GABRA5: variants seen among roughly 807,000 people sequenced by gnomAD.
The protein encoded by GABRA5 is gamma-aminobutyric acid receptor subunit alpha-5.
Under a neutral mutation model 47.3 loss-of-function variants are expected in GABRA5, and 18 were observed. The observed-to-expected ratio is 0.38, with a 90% CI of 0.26 to 0.56. GABRA5 has a LOEUF of 0.56. Ranked by LOEUF, GABRA5 falls within the 20% of genes least tolerant of loss-of-function variation. GABRA5 has a pLI of 0.71. For synonymous variants in GABRA5, 237 were observed against 229.3 expected (o/e 1.03, Z -0.30); for missense variants, 365 against 599.3 (o/e 0.61, Z 4.08).
intron 6 of GABRA5, 62 bp from the exon 7 acceptor site, chr15:26,914,741 G>T: frequency 1.6e-6 from 2 of 1,275,614 alleles, no homozygotes; most frequent in Middle Eastern, 1.8e-4. Context: ...GGACACGATG[G>T]TGGCTCAGTG....
At chr15:26,912,387 T>C (rs1893617586) in intron 6 of GABRA5, among the ~76,000 whole-genome samples, 1 of 152,258 alleles carries the variant, frequency 6.6e-6, no homozygotes, top group African/African-American at 2.4e-5. Context: ...AACAACCATA[T>C]AAAGTAACCT....
chr15:26,910,597 CAA>C (rs34894641), intron 6 of GABRA5, among the ~76,000 whole-genome samples: 8,915 of 146,502 alleles, frequency 0.061, 501 homozygotes, highest in African/African-American at 0.14. Flanking sequence ...GAGACTCCAT[CAA>C]AAAAAAAAAA....
intron 6 of GABRA5, among the ~76,000 whole-genome samples, chr15:26,898,191 T>C (rs892914861): frequency 6.6e-6 from 1 of 152,208 alleles, no homozygotes; most frequent in South Asian, 2.1e-4. Context: ...GGTGGAAAAT[T>C]GCTGTCAAGT....
intron 7 of GABRA5, among the ~76,000 whole-genome samples, chr15:26,926,112 C>A (rs1375433896): frequency 2.0e-5 from 3 of 152,174 alleles, no homozygotes; most frequent in African/African-American, 7.2e-5. Context: ...GGGGTCCTAT[C>A]TGAGCATCAG....
chr15:26,908,481 A>G (rs1485595012), intron 6 of GABRA5, among the ~76,000 whole-genome samples: 1 of 152,198 alleles, frequency 6.6e-6, no homozygotes, highest in Non-Finnish European at 1.5e-5. Context: ...CCAGCTGCAG[A>G]ATGCCAAACG....
chr15:26,902,462 A>T (rs145219535), intron 6 of GABRA5, among the ~76,000 whole-genome samples: 5,499 of 152,162 alleles, frequency 0.036, 356 homozygotes, highest in African/African-American at 0.13. Context: ...AAAATAATTG[A>T]CTTACATACA....
intron 9 of GABRA5, among the ~76,000 whole-genome samples, chr15:26,941,007 A>T (rs571057932): frequency 5.3e-5 from 8 of 152,336 alleles, no homozygotes; most frequent in Admixed American, 4.6e-4. Context: ...AAAGCAGGAA[A>T]ATATTAGCGT....
At chr15:26,927,270 AT>A (rs11400477) in intron 7 of GABRA5, among the ~76,000 whole-genome samples, 1,534 of 142,188 alleles carry the variant, frequency 0.011, 25 homozygotes, top group African/African-American at 0.034. Flanking sequence ...TGTCCAGCTA[AT>A]TTTTTTTTTT....
chr15:26,905,920 C>A (rs1371145532), intron 6 of GABRA5, among the ~76,000 whole-genome samples: 1 of 151,620 alleles, frequency 6.6e-6, no homozygotes, highest in African/African-American at 2.4e-5. Flanking sequence ...TCTTTTAGAT[C>A]TTTGATATTT....
At chr15:26,910,071 T>A (rs891398401) in intron 6 of GABRA5, among the ~76,000 whole-genome samples, 2 of 56,550 alleles carry the variant, frequency 3.5e-5, no homozygotes, top group African/African-American at 1.4e-4. Flanking sequence ...GAAATAAATG[T>A]TTTTTTTTCT....
chr15:26,933,216 A>G (rs144323902), intron 7 of GABRA5, among the ~76,000 whole-genome samples: 2,564 of 152,288 alleles, frequency 0.017, 78 homozygotes, highest in African/African-American at 0.059. Flanking sequence ...CCATGAAGTC[A>G]TTAGAAGTGA....
At chr15:26,889,179 G>A (rs142472470) in intron 6 of GABRA5, among the ~76,000 whole-genome samples, 78 of 152,304 alleles carry the variant, frequency 5.1e-4, no homozygotes, top group African/African-American at 1.8e-3. Context: ...ATATTTTGAT[G>A]ATTGCTTACA....
Position 26,948,149 on chromosome 15 carries a change from C to A in GABRA5, c.1305C>A (p.Val435=), listed in dbSNP as rs368042938. Residue 435 remains valine, a synonymous_variant, in exon 11 of 11, where the codon GTC becomes GTA. Coordinates refer to ENST00000335625, the MANE Select transcript of GABRA5 (RefSeq NM_000810.4). ...AAATGTCCCGAATCGTATTCCCAGT[C>A]TTGTTCGGCACTTTCAACTTAGTTT... ...IDKMSRIVFP[V]LFGTFNLVYW... is the part of the protein sequence containing the mutation. 3.0e-5 allele frequency: 49 copies of A among 1,613,752 alleles called. No individual in the cohort carries two copies. The highest frequency in any genetic ancestry group is 2.7e-4 in the African/African-American group (20 of 74,910).
chr15:26,911,388 C>CACACACACACACAA (rs879417314), intron 6 of GABRA5, among the ~76,000 whole-genome samples: 1 of 146,650 alleles, frequency 6.8e-6, no homozygotes, highest in East Asian at 2.0e-4. Context: ...CACACACACA[C>CACACACACACACAA]ACACACACAA....
chr15:26,947,856 G>A, intron 10 of GABRA5, 78 bp from the exon 11 acceptor site: 1 of 1,295,732 alleles, frequency 7.7e-7, no homozygotes, highest in South Asian at 1.4e-5. Flanking sequence ...CTTTTGAGAG[G>A]TATACCTTTA....
At chr15:26,874,121 G>A (rs1032279256) in intron 3 of GABRA5, among the ~76,000 whole-genome samples, 3 of 152,060 alleles carry the variant, frequency 2.0e-5, no homozygotes, top group Non-Finnish European at 2.9e-5. Flanking sequence ...GTGGGCTTTC[G>A]GGTTTTTACA....
At position 26,899,428 on chromosome 15, in the gene GABRA5, G is replaced by A. The variant is rs915750617; in HGVS notation, c.498-15375G>A. On this transcript the variant is annotated intron_variant, in intron 6 of 10. Transcript: ENST00000335625. ...GTGTATTCTGCTTTTGTTGGATAGAGTGTTCTATATATGCCTGTTAAGTCC... is the reference window on the plus strand; with the variant it reads ...GTGTATTCTGCTTTTGTTGGATAGAATGTTCTATATATGCCTGTTAAGTCC... 2.2e-4 allele frequency among the ~76,000 whole-genome samples: 33 copies of A among 152,256 alleles called. No individual in the cohort carries two copies. In the South Asian group the frequency reaches 2.3e-3, roughly 11 times the overall value.
Position 26,914,868 on chromosome 15 carries a change from C to T in GABRA5, c.563C>T (p.Pro188Leu). The stretch of plus-strand genomic sequence containing the variant: ...TTCCCGATGGATGCGCACGCTTGCC[C>T]TCTGAAATTTGGCAGCTGTAAGTTA... ...EDFPMDAHAC[P>L]LKFGSYAYPN... Residue 188 changes from proline (P) to leucine (L), a missense_variant, in exon 7 of 11, where the codon CCT becomes CTT. Pro to Leu is a moderately conservative substitution (Grantham distance 98). This residue lies in a region of GABRA5 where 216 missense variants were observed against 335.3 expected (regional missense o/e 0.64). Transcript: ENST00000335625. 6.2e-7 allele frequency: 1 copy of T among 1,613,898 alleles called. No individual in the cohort carries two copies. Among genetic ancestry groups the T allele is most frequent in the Non-Finnish European group, 8.5e-7 (1 of 1,179,816 alleles).
intron 7 of GABRA5, among the ~76,000 whole-genome samples, chr15:26,922,500 T>G (rs1439433577): frequency 6.6e-6 from 1 of 152,190 alleles, no homozygotes; most frequent in Non-Finnish European, 1.5e-5. Context: ...ATAGCTCAGA[T>G]TTTTAAATTT....
Sources: allele counts gnomAD v4.1 joint callset (sites outside exome capture counted in the v4.1 genomes callset), GRCh38; gene constraint gnomAD v4.1.1; regional missense constraint gnomAD v4.1.1; transcripts MANE v1.5; gene names NCBI Gene and HGNC (gene_info 2026-07-23, HGNC 2026-07-21).